Variants in ESF1 observed in about 807,000 individuals in gnomAD.
ESF1 encodes the protein ESF1 nucleolar pre-rRNA processing protein, also known as ESF1 homolog.
ESF1 carries 58 observed loss-of-function variants against 92.0 expected under a neutral mutation model. That is an observed-to-expected ratio of 0.63 (90% CI 0.51 to 0.78). The LOEUF (loss-of-function observed/expected upper bound fraction) is 0.78. Ranked by LOEUF, ESF1 falls within the 30% of genes least tolerant of loss-of-function variation. The pLI is 0.00. For synonymous variants in ESF1, 321 were observed against 313.7 expected, an observed-to-expected ratio of 1.02 and a Z score of -0.24; for missense variants, 922 against 989.1, an observed-to-expected ratio of 0.93 and a Z score of 0.91.
chr20:13,750,509 GA>G (rs1400002238), intron 9 of ESF1, among the ~76,000 whole-genome samples: 1 of 151,884 alleles, frequency 6.6e-6, no homozygotes, highest in African/African-American at 2.4e-5. Context: ...CCTCTCGAAA[GA>G]AAGAAAGAAA....
intron 9 of ESF1, among the ~76,000 whole-genome samples, chr20:13,748,028 C>T (rs1222792242): frequency 6.6e-6 from 1 of 152,198 alleles, no homozygotes; most frequent in Non-Finnish European, 1.5e-5. Context: ...AAAAATATGA[C>T]AGCACTAGTT....
intron 4 of ESF1, among the ~76,000 whole-genome samples, chr20:13,773,781 G>C (rs1979796157): frequency 6.6e-6 from 1 of 152,068 alleles, no homozygotes; most frequent in Non-Finnish European, 1.5e-5. Context: ...TTTTATATTA[G>C]CATGATTTCT....
chr20:13,735,522 A>C (rs1175697095), intron 9 of ESF1, among the ~76,000 whole-genome samples: 1 of 152,166 alleles, frequency 6.6e-6, no homozygotes, highest in Non-Finnish European at 1.5e-5. Context: ...CACCTAAGAA[A>C]TGTAAACTGG....
chr20:13,776,233 A>C lies in ESF1; in HGVS notation c.675T>G (p.Tyr225Ter), dbSNP rs1979936101. Reference sequence around the variant, plus strand: ...ACATTTCACCATCTGTTGAGTTTTCATAACCATCACTGTCTCTTGTCATTA... The same window carrying C: ...ACATTTCACCATCTGTTGAGTTTTCCTAACCATCACTGTCTCTTGTCATTA... The part of the protein sequence containing the change: ...QLIMTRDSDG[Y>*]ENSTDGEMCD... Residue 225 changes from tyrosine (Y) to a stop codon, truncating the protein, a stop_gained, in exon 3 of 14, where the codon TAT becomes TAG. Coordinates refer to ENST00000617257, the MANE Select transcript of ESF1 (RefSeq NM_001276380.2). LOFTEE classifies it high-confidence loss of function. The C allele has an allele frequency of 6.2e-7, 1 of 1,613,418 alleles. No homozygotes were observed. The highest frequency in any genetic ancestry group is 1.7e-5 in the Admixed American group (1 of 60,004).
chr20:13,733,909 T>C, intron 9 of ESF1, 67 bp from the exon 10 acceptor site: 1 of 1,496,548 alleles, frequency 6.7e-7, no homozygotes, highest in Non-Finnish European at 8.9e-7. Flanking sequence ...AAACATATAA[T>C]TTATAAAGAC....
chr20:13,776,028 C>A lies in ESF1; in HGVS notation c.880G>T (p.Asp294Tyr), dbSNP rs764675791. The change falls in exon 3 of 14, where the codon GAT becomes TAT. Residue 294 changes from aspartate to tyrosine, a missense_variant. Asp to Tyr is a radical substitution (Grantham distance 160). Transcript: ENST00000617257. ...AGATCAGGGCCACTGTCACTTTTAT[C>A]ATCATCCTCACTATCCTCATCTTCA... is the stretch of plus-strand genomic sequence containing the variant. The part of the protein sequence containing the change: ...EDEDEDSEDD[D>Y]KSDSGPDLAR... 1 of 1,613,904 alleles carries A rather than the reference C, an allele frequency of 6.2e-7. No homozygotes were observed. The highest frequency in any genetic ancestry group is 8.5e-7 in the Non-Finnish European group (1 of 1,179,908).
At chr20:13,747,611 G>C (rs1000696630) in intron 9 of ESF1, among the ~76,000 whole-genome samples, 2 of 151,416 alleles carry the variant, frequency 1.3e-5, no homozygotes, top group Non-Finnish European at 2.9e-5. Flanking sequence ...AAAAAAGAGA[G>C]AGAAAATATA....
chr20:13,775,839 T>G lies in ESF1; in HGVS notation c.1035+34A>C. ...CCATAAAAGCTGCTTGTACTGTGTTTTTCACAAATAATCTTGTTTATTCAA... is the reference window on the plus strand; with the variant it reads ...CCATAAAAGCTGCTTGTACTGTGTTGTTCACAAATAATCTTGTTTATTCAA... On this transcript the variant is annotated intron_variant, in intron 3 of 13. Coordinates refer to ENST00000617257, the MANE Select transcript of ESF1 (RefSeq NM_001276380.2). The G allele has an allele frequency of 1.9e-6, 3 of 1,555,220 alleles. No homozygotes were observed. The South Asian group carries it at 3.8e-5, about 20-fold the overall frequency.
At position 13,784,865 on chromosome 20, in the gene ESF1, T is replaced by A; in HGVS notation, c.-44+15A>T. ...TTCATCTCGAGCTCTTCAACTCCAG[T>A]CCATCCCCACTCACCGTCCGCAGTC... On this transcript the variant is annotated intron_variant, in intron 1 of 13. Transcript: ENST00000617257. 1.7e-6 allele frequency: 1 copy of A among 600,416 alleles called. No individual in the cohort carries two copies. Among genetic ancestry groups the A allele is most frequent in the East Asian group, 2.8e-5 (1 of 35,942 alleles). The allele number at this position is 600,416 out of a possible 1,614,324, so 37.2% of individuals were successfully genotyped here.
Position 13,782,880 on chromosome 20 carries a change from T to G in ESF1, c.261A>C (p.Lys87Asn), listed in dbSNP as rs201233628. 6.2e-7 allele frequency: 1 copy of G among 1,613,724 alleles called. No homozygotes were observed. The highest frequency in any genetic ancestry group is 2.2e-5 in the East Asian group (1 of 44,886). The change falls in exon 2 of 14, where the codon AAA (lysine) becomes AAC (asparagine). Residue 87 changes from lysine (K) to asparagine (N), a missense_variant. Physicochemically the swap from Lys to Asn is moderately conservative, Grantham distance 94. Coordinates refer to ENST00000617257, the MANE Select transcript of ESF1 (RefSeq NM_001276380.2). ...SDSNLSGEDS[K>N]ALSQKKIKKK... Reference sequence around the variant, plus strand: ...TCTTTATTTTCTTTTGACTCAATGCTTTGCTATCTTCACCAGAGAGATTGG... The same window carrying G: ...TCTTTATTTTCTTTTGACTCAATGCGTTGCTATCTTCACCAGAGAGATTGG...
chr20:13,774,081 C>T (rs1026750122), intron 4 of ESF1, among the ~76,000 whole-genome samples: 14 of 150,660 alleles, frequency 9.3e-5, no homozygotes, highest in African/African-American at 2.7e-4. Flanking sequence ...GGCGACAGAG[C>T]GAGACTCCAT....
At chr20:13,721,971 A>G (rs535692741) in intron 11 of ESF1, among the ~76,000 whole-genome samples, 2 of 152,190 alleles carry the variant, frequency 1.3e-5, no homozygotes, top group Admixed American at 1.3e-4. Flanking sequence ...TAGGGTATGA[A>G]CCCCCCATTC....
chr20:13,751,583 C>T (rs1360360188), intron 9 of ESF1, among the ~76,000 whole-genome samples: 1 of 152,126 alleles, frequency 6.6e-6, no homozygotes, highest in African/African-American at 2.4e-5. Flanking sequence ...TGGGGGGGAA[C>T]CAGATCAATT....
chr20:13,744,131 G>C (rs186939383), intron 9 of ESF1, among the ~76,000 whole-genome samples: 5 of 152,332 alleles, frequency 3.3e-5, no homozygotes, highest in Admixed American at 2.0e-4. Flanking sequence ...ATTGATGAGA[G>C]ACTGTCTTAA....
chr20:13,724,638 T>C (rs567501511), intron 11 of ESF1, among the ~76,000 whole-genome samples: 3 of 152,368 alleles, frequency 2.0e-5, no homozygotes, highest in African/African-American at 7.2e-5. Context: ...TAAATCCATC[T>C]ATTTGAGCAT....
chr20:13,715,591 TA>T (rs1354487904), intron 13 of ESF1, among the ~76,000 whole-genome samples: 1 of 152,186 alleles, frequency 6.6e-6, no homozygotes, highest in Non-Finnish European at 1.5e-5. Flanking sequence ...GAGTACATGT[TA>T]AGAAATTTTA....
intron 10 of ESF1, among the ~76,000 whole-genome samples, chr20:13,733,320 A>T (rs1568712589): frequency 6.6e-6 from 1 of 152,236 alleles, no homozygotes; most frequent in Non-Finnish European, 1.5e-5. Flanking sequence ...TGACAGATGG[A>T]AAGTATGGCA....
intron 9 of ESF1, among the ~76,000 whole-genome samples, chr20:13,744,338 T>C (rs1470200100): frequency 6.6e-6 from 1 of 152,196 alleles, no homozygotes; most frequent in East Asian, 1.9e-4. Flanking sequence ...GAAGAACTCC[T>C]AGGAATCAGA....
At chr20:13,754,243 A>G (rs766245158) in intron 9 of ESF1, among the ~76,000 whole-genome samples, 3 of 152,128 alleles carry the variant, frequency 2.0e-5, no homozygotes, top group African/African-American at 7.2e-5. Flanking sequence ...TTATTGACCC[A>G]TATTCTCACT....
Sources: allele counts gnomAD v4.1 joint callset (sites outside exome capture counted in the v4.1 genomes callset), GRCh38; gene constraint gnomAD v4.1.1; transcripts MANE v1.5; gene names NCBI Gene and HGNC (gene_info 2026-07-23, HGNC 2026-07-21).